The following PDZD2 variants were observed in gnomAD, a reference collection of about 807,000 sequenced individuals.
The protein encoded by PDZD2 is PDZ domain containing 2.
PDZD2 carries 90 observed loss-of-function variants against 220.7 expected under a neutral mutation model. That is an observed-to-expected ratio of 0.41 (90% CI 0.34 to 0.49). PDZD2 has a LOEUF of 0.49. Among genes scored for constraint, PDZD2 ranks in the 20% least tolerant of loss-of-function variants. PDZD2 has a pLI of 0.28. For missense variants in PDZD2, 3,174 were observed against 3,608.5 expected, an observed-to-expected ratio of 0.88 and a Z score of 3.08; for synonymous variants, 1,375 against 1,450.5, an observed-to-expected ratio of 0.95 and a Z score of 1.18.
chr5:31,754,198 G>C (rs1250344367), intron 1 of PDZD2: 2 of 152,236 alleles, frequency 1.3e-5, no homozygotes, highest in Admixed American at 1.3e-4. Context: ...GCAGCCCTTG[G>C]CAACCAGTCA....
chr5:31,642,434 T>C (rs1222501473), intron 1 of PDZD2, among the ~76,000 whole-genome samples: 1 of 152,160 alleles, frequency 6.6e-6, no homozygotes, highest in Non-Finnish European at 1.5e-5. Flanking sequence ...AGGCCACTGA[T>C]AGAACAGTGT....
At chr5:31,690,150 G>A (rs1333970901) in intron 1 of PDZD2, among the ~76,000 whole-genome samples, 4 of 152,096 alleles carry the variant, frequency 2.6e-5, no homozygotes, top group African/African-American at 2.4e-5. Context: ...AAATAAGGGA[G>A]ACACTGTCAA....
chr5:31,662,061 A>G (rs998537480), intron 1 of PDZD2, among the ~76,000 whole-genome samples: 1 of 152,114 alleles, frequency 6.6e-6, no homozygotes, highest in South Asian at 2.1e-4. Flanking sequence ...CTATAATCCT[A>G]GCACTTTAGG....
chr5:31,920,526 T>A (rs7448237), intron 2 of PDZD2, among the ~76,000 whole-genome samples: 11 of 5,946 alleles, frequency 1.8e-3, no homozygotes, highest in African/African-American at 2.5e-3. Context: ...AAAAAAAAAG[T>A]CCAGGCACTC....
chr5:32,045,322 T>C (rs1474043622), intron 7 of PDZD2, among the ~76,000 whole-genome samples: 1 of 152,216 alleles, frequency 6.6e-6, no homozygotes, highest in Non-Finnish European at 1.5e-5. Context: ...TATTCTAACC[T>C]GGGTTTTCCT....
chr5:31,933,212 A>T (rs1745453068), intron 2 of PDZD2, among the ~76,000 whole-genome samples: 1 of 152,138 alleles, frequency 6.6e-6, no homozygotes, highest in Non-Finnish European at 1.5e-5. Context: ...GCGCCCGGCC[A>T]GCATAGTTTC....
chr5:31,714,523 C>G (rs1479868490), intron 1 of PDZD2, among the ~76,000 whole-genome samples: 1 of 152,074 alleles, frequency 6.6e-6, no homozygotes, highest in African/African-American at 2.4e-5. Context: ...ATCAAGCATC[C>G]CTGTTATGCA....
At chr5:31,977,001 C>G (rs187156167) in intron 2 of PDZD2, among the ~76,000 whole-genome samples, 2 of 151,184 alleles carry the variant, frequency 1.3e-5, no homozygotes. Context: ...CATGCGTGAG[C>G]CAACGCGCCT....
chr5:32,068,059 A>G (rs1194951104), intron 14 of PDZD2, among the ~76,000 whole-genome samples: 2 of 152,222 alleles, frequency 1.3e-5, no homozygotes, highest in East Asian at 1.9e-4. Flanking sequence ...CAAGAGATCA[A>G]AGTTATCACC....
rs147353592 is a variant in PDZD2 at position 32,090,151 on chromosome 5, C to T, written c.6703C>T (p.Arg2235Trp). ...MPAQFSSHFG[R>W]EGHPPHSLGR... ...AGCCCAGTTCTCAAGCCATTTTGGA[C>T]GGGAGGGTCACCCCCCACACAGCCT... Residue 2235 changes from arginine to tryptophan, a missense_variant, in exon 20 of 25, where the codon CGG becomes TGG. Transcript: ENST00000438447. This position sits in a 1 kb window ranked among gnomAD's most constrained non-coding sequence, Gnocchi z 4.3. 2.1e-4 allele frequency: 334 copies of T among 1,613,796 alleles called. No homozygotes were observed. The highest frequency in any genetic ancestry group is 2.6e-4 in the Non-Finnish European group (307 of 1,179,952).
At chr5:31,765,291 T>C (rs1751933301) in intron 1 of PDZD2, among the ~76,000 whole-genome samples, 1 of 152,100 alleles carries the variant, frequency 6.6e-6, no homozygotes, top group African/African-American at 2.4e-5. Context: ...CTACATGTAC[T>C]CCTCGCTGGA....
chr5:31,693,853 G>A (rs1301134823), intron 1 of PDZD2, among the ~76,000 whole-genome samples: 1 of 152,154 alleles, frequency 6.6e-6, no homozygotes, highest in East Asian at 1.9e-4. Context: ...CTTTGAGGAA[G>A]TTGCTTAAAT....
chr5:32,080,855 T>C (rs551336153), intron 19 of PDZD2, among the ~76,000 whole-genome samples: 7 of 151,632 alleles, frequency 4.6e-5, no homozygotes, highest in South Asian at 2.1e-4. Flanking sequence ...TACTTATAAG[T>C]GGGAGCTAAA....
intron 1 of PDZD2, among the ~76,000 whole-genome samples, chr5:31,779,531 G>A (rs113516735): frequency 0.024 from 3,655 of 151,816 alleles, 159 homozygotes; most frequent in African/African-American, 0.08. Context: ...CCGCCACCAC[G>A]CCCGGCTAAC....
chr5:31,813,311 A>G (rs1191044158), intron 2 of PDZD2, among the ~76,000 whole-genome samples: 8 of 152,048 alleles, frequency 5.3e-5, no homozygotes, highest in East Asian at 3.9e-4. Flanking sequence ...TTAGCCGGGC[A>G]TGGTGGCAGG....
intron 2 of PDZD2, among the ~76,000 whole-genome samples, chr5:31,927,671 C>T (rs543514093): frequency 6.6e-6 from 1 of 152,286 alleles, no homozygotes; most frequent in East Asian, 1.9e-4. Flanking sequence ...AAGCATGATC[C>T]ACCGCACCTG....
intron 18 of PDZD2, among the ~76,000 whole-genome samples, chr5:32,076,288 G>GAAAAAAAAAAAAAAAA (rs67898034): frequency 2.3e-5 from 2 of 87,932 alleles, no homozygotes; most frequent in African/African-American, 4.4e-5. Context: ...TCGGTCTCAA[G>GAAAAAAAAAAAAAAAA]AAAAAAAAAA....
intron 5 of PDZD2, among the ~76,000 whole-genome samples, chr5:32,008,433 C>T (rs1374506067): frequency 1.3e-5 from 2 of 151,940 alleles, no homozygotes; most frequent in Non-Finnish European, 2.9e-5. Flanking sequence ...GTTGCCCGCC[C>T]ACCACACCTG....
chr5:31,874,136 A>G (rs569611303), intron 2 of PDZD2, among the ~76,000 whole-genome samples: 47 of 152,272 alleles, frequency 3.1e-4, no homozygotes, highest in South Asian at 1.0e-3. Flanking sequence ...AGAAACCTCA[A>G]TCTTTTCTGT....
Sources: allele counts gnomAD v4.1 joint callset (sites outside exome capture counted in the v4.1 genomes callset), GRCh38; gene constraint gnomAD v4.1.1; non-coding constraint Gnocchi (gnomAD v3.1); transcripts MANE v1.5; gene names NCBI Gene and HGNC (gene_info 2026-07-23, HGNC 2026-07-21).